Variants in RPS6KC1 observed in about 807,000 individuals in gnomAD.
The protein encoded by RPS6KC1 is ribosomal protein S6 kinase C1.
RPS6KC1 carries 54 observed loss-of-function variants against 103.8 expected under a neutral mutation model. That is an observed-to-expected ratio of 0.52 (90% CI 0.42 to 0.65). The LOEUF is 0.65. RPS6KC1 is among the 30% of genes least tolerant of loss of function. The pLI is 0.00. For missense variants in RPS6KC1, 1,151 were observed against 1,253.8 expected, an observed-to-expected ratio of 0.92 and a Z score of 1.24; for synonymous variants, 439 against 438.7, an observed-to-expected ratio of 1.00 and a Z score of -0.01.
rs1030010987 is a variant in RPS6KC1 at position 213,209,721 on chromosome 1, A to G, written c.1045-20776A>G. On this transcript the variant is annotated intron_variant, in intron 8 of 14. Transcript: ENST00000366960. Reference sequence around the variant, plus strand: ...AAAAAAAAAAAAAAAAAAAAAAAAAAGGAATAGAAGAATGCCACTCTGTAG... The same window carrying G: ...AAAAAAAAAAAAAAAAAAAAAAAAAGGGAATAGAAGAATGCCACTCTGTAG... Among the ~76,000 whole-genome samples the G allele has an allele frequency of 2.1e-4, 30 of 145,380 alleles. No individual in the cohort carries two copies. In the East Asian group the frequency reaches 3.4e-3, roughly 16 times the overall value.
chr1:213,307,193 A>G, the RPS6KC1 span, among the ~76,000 whole-genome samples: 7 of 151,460 alleles, frequency 4.6e-5, no homozygotes, highest in Admixed American at 4.6e-4. Context: ...CTCTCCGAGT[A>G]GCTGGGACTA....
the RPS6KC1 span, among the ~76,000 whole-genome samples, chr1:213,653,459 CA>C: frequency 1.4e-3 from 202 of 146,214 alleles, 1 homozygote; most frequent in African/African-American, 4.0e-3. Flanking sequence ...GATCCTGTCT[CA>C]AAAAAAAAAA....
the RPS6KC1 span, among the ~76,000 whole-genome samples, chr1:213,549,287 G>A: frequency 3.3e-4 from 50 of 152,264 alleles, no homozygotes; most frequent in South Asian, 1.0e-3. Context: ...GAAGGCCCTC[G>A]GTGGAGAGAG....
At chr1:213,602,098 TTCTTTCTTTCTTTCTTTCTTTC>T in the RPS6KC1 span, among the ~76,000 whole-genome samples, 41 of 17,012 alleles carry the variant, frequency 2.4e-3, no homozygotes, top group Non-Finnish European at 3.5e-3. Flanking sequence ...CTTTCTTTCT[TTCTTTCTTTCTTTCTTTCTTTC>T]TCTTTCTTTC....
At chr1:213,171,206 A>G (rs1017812458) in intron 7 of RPS6KC1, among the ~76,000 whole-genome samples, 3 of 152,042 alleles carry the variant, frequency 2.0e-5, no homozygotes, top group African/African-American at 7.2e-5. Context: ...CACAGAAAGG[A>G]AAAAAAGCAC....
chr1:213,208,481 T>A (rs1467472170), intron 8 of RPS6KC1, among the ~76,000 whole-genome samples: 1 of 152,220 alleles, frequency 6.6e-6, no homozygotes, highest in African/African-American at 2.4e-5. Context: ...GAAATCTTTC[T>A]CATTTTTTGA....
chr1:213,056,909 A>G (rs1253080112), intron 1 of RPS6KC1, among the ~76,000 whole-genome samples: 1 of 138,906 alleles, frequency 7.2e-6, no homozygotes, highest in Admixed American at 7.6e-5. Flanking sequence ...CTCCTCCGTT[A>G]TCATAATGTA....
At chr1:213,643,579 A>G in the RPS6KC1 span, among the ~76,000 whole-genome samples, 1 of 151,904 alleles carries the variant, frequency 6.6e-6, no homozygotes, top group Non-Finnish European at 1.5e-5. Context: ...TTATATTTTC[A>G]TAAGTAATGA....
chr1:213,306,116 C>A, the RPS6KC1 span, among the ~76,000 whole-genome samples: 1 of 152,058 alleles, frequency 6.6e-6, no homozygotes, highest in Non-Finnish European at 1.5e-5. Flanking sequence ...TTTCATGGCA[C>A]CTTGATCTTA....
intron 6 of RPS6KC1, among the ~76,000 whole-genome samples, chr1:213,134,198 A>C (rs1272500646): frequency 2.0e-5 from 3 of 152,086 alleles, no homozygotes. Flanking sequence ...TCTTGTTGAA[A>C]ATATCTGGTA....
At chr1:213,802,874 C>A in the RPS6KC1 span, among the ~76,000 whole-genome samples, 1 of 152,050 alleles carries the variant, frequency 6.6e-6, no homozygotes, top group African/African-American at 2.4e-5. Flanking sequence ...GTGAAAGAAC[C>A]GGGAATGTTT....
chr1:213,153,122 G>A lies in RPS6KC1; in HGVS notation c.836-14736G>A, dbSNP rs370914199. Among the ~76,000 whole-genome samples, 82 of 152,162 alleles carry A rather than the reference G, an allele frequency of 5.4e-4. 2 individuals are homozygous for A. The East Asian group carries it at 0.013, about 24-fold the overall frequency. ...CGCGAGTCTGCAATCGCAGGCACTC[G>A]GCAGGCTGAGTCAGGAGAGTCAGGC... On this transcript the variant is annotated intron_variant, in intron 6 of 14. Coordinates refer to ENST00000366960, the MANE Select transcript of RPS6KC1 (RefSeq NM_012424.6).
the RPS6KC1 span, among the ~76,000 whole-genome samples, chr1:213,674,050 G>A: frequency 1.3e-5 from 2 of 151,834 alleles, no homozygotes; most frequent in African/African-American, 4.8e-5. Context: ...ACAGAGTCTC[G>A]CTATGTTGCC....
At chr1:213,215,159 T>A (rs1159450597) in intron 8 of RPS6KC1, among the ~76,000 whole-genome samples, 2 of 152,144 alleles carry the variant, frequency 1.3e-5, no homozygotes, top group East Asian at 3.8e-4. Context: ...CTAACTGGAA[T>A]AACCAATGCA....
the RPS6KC1 span, among the ~76,000 whole-genome samples, chr1:213,728,564 T>C: frequency 7.2e-5 from 11 of 152,130 alleles, no homozygotes; most frequent in Non-Finnish European, 1.3e-4. Context: ...AAATCGGGAT[T>C]ATAAGAGTAC....
chr1:213,182,695 G>A (rs561649432), intron 8 of RPS6KC1, among the ~76,000 whole-genome samples: 1 of 150,112 alleles, frequency 6.7e-6, no homozygotes, highest in African/African-American at 2.4e-5. Flanking sequence ...CAACTTTATG[G>A]TGTTTATAAG....
the RPS6KC1 span, among the ~76,000 whole-genome samples, chr1:213,858,349 G>A: frequency 6.6e-6 from 1 of 152,078 alleles, no homozygotes; most frequent in Admixed American, 6.5e-5. Context: ...GGCATTCCCA[G>A]GTCAAGAACC....
chr1:213,545,371 CAAATAAATAAATAAATAAAT>C, the RPS6KC1 span, among the ~76,000 whole-genome samples: 3 of 119,624 alleles, frequency 2.5e-5, no homozygotes, highest in African/African-American at 1.0e-4. Context: ...AACTCTGTCT[CAAATAAATAAATAAATAAAT>C]AAATAAATAA....
At chr1:213,747,414 A>G in the RPS6KC1 span, among the ~76,000 whole-genome samples, 4 of 152,226 alleles carry the variant, frequency 2.6e-5, no homozygotes, top group African/African-American at 9.6e-5. Flanking sequence ...GAAGAGAGGA[A>G]TTGCTAATAA....
Sources: gnomAD v4.1 joint callset for allele counts (sites outside exome capture counted in the v4.1 genomes callset) on GRCh38, gnomAD v4.1.1 for gene constraint, MANE v1.5 for transcripts, NCBI Gene and HGNC (gene_info 2026-07-23, HGNC 2026-07-21) for gene names.